Variants in ADAMTS19 observed in about 807,000 individuals in gnomAD.
The protein encoded by ADAMTS19 is A disintegrin and metalloproteinase with thrombospondin motifs 19.
In ADAMTS19, 93 loss-of-function variants were observed where a neutral mutation model predicts 153.3. That is an observed-to-expected ratio of 0.61 (90% CI 0.51 to 0.72). ADAMTS19 has a LOEUF of 0.72. ADAMTS19 is among the 30% of genes least tolerant of loss of function. The pLI is 0.00. For synonymous variants in ADAMTS19, 600 were observed against 556.6 expected (o/e 1.08, Z -1.10); for missense variants, 1,482 against 1,552.1 (o/e 0.95, Z 0.76).
At chr5:129,707,837 T>G (rs1756237035) in intron 21 of ADAMTS19, among the ~76,000 whole-genome samples, 1 of 152,194 alleles carries the variant, frequency 6.6e-6, no homozygotes, top group African/African-American at 2.4e-5. Context: ...GAATATTAAA[T>G]GTACAATTTT....
intron 2 of ADAMTS19, among the ~76,000 whole-genome samples, chr5:129,505,948 A>T (rs1751255930): frequency 6.6e-6 from 1 of 152,174 alleles, no homozygotes; most frequent in Admixed American, 6.6e-5. Flanking sequence ...TGTCATATTA[A>T]TTCATATAAT....
At chr5:129,550,682 A>G (rs946798230) in intron 6 of ADAMTS19, among the ~76,000 whole-genome samples, 2 of 150,498 alleles carry the variant, frequency 1.3e-5, no homozygotes, top group Non-Finnish European at 3.0e-5. Flanking sequence ...TCATTGGTGA[A>G]TAGGCAAAAG....
intron 2 of ADAMTS19, among the ~76,000 whole-genome samples, chr5:129,478,174 T>C (rs921996265): frequency 2.0e-5 from 3 of 152,158 alleles, no homozygotes; most frequent in Non-Finnish European, 2.9e-5. Context: ...CAAATGCTTG[T>C]GTGTAAATCT....
At chr5:129,537,064 A>AT (rs200178883) in intron 6 of ADAMTS19, among the ~76,000 whole-genome samples, 5 of 142,730 alleles carry the variant, frequency 3.5e-5, no homozygotes, top group Non-Finnish European at 6.0e-5. Context: ...TATAATAATA[A>AT]TTTAAAAAAA....
chr5:129,642,020 C>A, intron 11 of ADAMTS19, 60 bp downstream of exon 11: 1 of 1,036,108 alleles, frequency 9.7e-7, no homozygotes, highest in Non-Finnish European at 1.4e-6. Flanking sequence ...GAGAATCTTG[C>A]ATTTTCTCTG....
chr5:129,532,539 T>A (rs1752247830), intron 6 of ADAMTS19, among the ~76,000 whole-genome samples: 1 of 152,202 alleles, frequency 6.6e-6, no homozygotes, highest in African/African-American at 2.4e-5. Flanking sequence ...TAGTTTCTTA[T>A]AAAGTTAAAC....
intron 2 of ADAMTS19, among the ~76,000 whole-genome samples, chr5:129,504,618 G>A (rs1751208846): frequency 6.6e-6 from 1 of 151,930 alleles, no homozygotes; most frequent in South Asian, 2.1e-4. Flanking sequence ...TATTCCTCTT[G>A]TCTAACTGAA....
intron 2 of ADAMTS19, among the ~76,000 whole-genome samples, chr5:129,467,545 C>T (rs1749908385): frequency 1.3e-5 from 2 of 152,064 alleles, no homozygotes; most frequent in Non-Finnish European, 2.9e-5. Context: ...AAGAGAAAAT[C>T]GTATGCATTT....
At chr5:129,569,802 G>T (rs752643547) in intron 7 of ADAMTS19, among the ~76,000 whole-genome samples, 6 of 151,926 alleles carry the variant, frequency 3.9e-5, no homozygotes, top group Non-Finnish European at 7.4e-5. Flanking sequence ...CAAATTGGAG[G>T]ATGCAGAAAA....
chr5:129,698,876 G>T (rs886080277), intron 19 of ADAMTS19, among the ~76,000 whole-genome samples: 15 of 152,190 alleles, frequency 9.9e-5, no homozygotes, highest in African/African-American at 3.4e-4. Context: ...GGACTCCAAA[G>T]CAAAATGGCA....
intron 3 of ADAMTS19, among the ~76,000 whole-genome samples, chr5:129,522,075 C>T (rs1366624577): frequency 2.0e-5 from 3 of 151,440 alleles, no homozygotes; most frequent in Non-Finnish European, 4.4e-5. Flanking sequence ...CAGAAGTTGA[C>T]ACTGGTGAGA....
At chr5:129,530,380 G>A (rs570431824) in intron 6 of ADAMTS19, among the ~76,000 whole-genome samples, 1 of 152,184 alleles carries the variant, frequency 6.6e-6, no homozygotes, top group Admixed American at 6.6e-5. Flanking sequence ...TTGATGAAAG[G>A]CAACAAATAT....
At chr5:129,691,767 T>A (rs2127143349) in intron 18 of ADAMTS19, among the ~76,000 whole-genome samples, 1 of 152,306 alleles carries the variant, frequency 6.6e-6, no homozygotes, top group Non-Finnish European at 1.5e-5. Flanking sequence ...CTTAGAAAAC[T>A]ACTAACATGT....
chr5:129,681,841 C>A (rs935981701), intron 17 of ADAMTS19, among the ~76,000 whole-genome samples: 4 of 151,940 alleles, frequency 2.6e-5, no homozygotes, highest in Admixed American at 1.3e-4. Flanking sequence ...TGCCATCTAG[C>A]GAGAGAAAAT....
Position 129,461,247 on chromosome 5 carries a change from G to A in ADAMTS19, c.237G>A (p.Arg79=), listed in dbSNP as rs573207201. The stretch of plus-strand genomic sequence containing the variant: ...GCGTTGGGGGCGGCGGAAGCGCCCG[G>A]GCGCAGGCTGCCGGCAGCTCACGCG... ...VRGVGGGGSA[R]AQAAGSSREV... is the part of the protein sequence containing the mutation. Residue 79 remains arginine (R), a synonymous_variant, in exon 2 of 23, where the codon CGG becomes CGA. Coordinates refer to ENST00000274487, the MANE Select transcript of ADAMTS19 (RefSeq NM_133638.6). This position sits in a 1 kb window ranked among gnomAD's most constrained non-coding sequence, Gnocchi z 4.6. 7.9e-6 allele frequency: 10 copies of A among 1,264,028 alleles called. No homozygotes were observed. In the East Asian group the frequency reaches 3.2e-4, roughly 40 times the overall value. 78.3% of individuals were successfully genotyped at this position (1,264,028 alleles called of 1,614,324 possible). A position where few individuals can be genotyped will look rare whatever the true frequency, so the allele number is the denominator to read the frequency against.
chr5:129,610,343 G>T (rs1030939031), intron 8 of ADAMTS19, among the ~76,000 whole-genome samples: 3 of 151,974 alleles, frequency 2.0e-5, no homozygotes, highest in African/African-American at 4.8e-5. Context: ...ACAATGTGCA[G>T]GTTTGTTACA....
chr5:129,630,228 C>T (rs769588518), intron 10 of ADAMTS19, among the ~76,000 whole-genome samples: 1 of 152,014 alleles, frequency 6.6e-6, no homozygotes, highest in Non-Finnish European at 1.5e-5. Context: ...TTTGCACCAA[C>T]CTAATATTAT....
intron 3 of ADAMTS19, among the ~76,000 whole-genome samples, chr5:129,518,589 CT>C (rs1282692499): frequency 6.6e-6 from 1 of 151,932 alleles, no homozygotes; most frequent in African/African-American, 2.4e-5. Flanking sequence ...TTTTTTGTTT[CT>C]TTTCTCTTGC....
chr5:129,463,438 G>A (rs1016417800), intron 2 of ADAMTS19, among the ~76,000 whole-genome samples: 1 of 152,162 alleles, frequency 6.6e-6, no homozygotes, highest in African/African-American at 2.4e-5. Flanking sequence ...CTGAATAGGA[G>A]TTTGACATAC....
Sources: allele counts gnomAD v4.1 joint callset (sites outside exome capture counted in the v4.1 genomes callset), GRCh38; gene constraint gnomAD v4.1.1; non-coding constraint Gnocchi (gnomAD v3.1); transcripts MANE v1.5; gene names NCBI Gene and HGNC (gene_info 2026-07-23, HGNC 2026-07-21).